The following WARS1 variants were observed in gnomAD, a reference collection of about 807,000 sequenced individuals.
WARS1 encodes the protein tryptophanyl-tRNA synthetase 1, also known as tryptophan--tRNA ligase, cytoplasmic.
WARS1 carries 17 observed loss-of-function variants against 47.8 expected under a neutral mutation model. That is an observed-to-expected ratio of 0.36 (90% CI 0.24 to 0.53). WARS1 has a LOEUF of 0.53. WARS1 is among the 20% of genes least tolerant of loss of function. WARS1 has a pLI of 0.91. For synonymous variants in WARS1, 208 were observed against 228.1 expected, an observed-to-expected ratio of 0.91 and a Z score of 0.79; for missense variants, 434 against 608.0, an observed-to-expected ratio of 0.71 and a Z score of 3.01.
intron 7 of WARS1, among the ~76,000 whole-genome samples, chr14:100,344,540 G>A (rs920711302): frequency 1.7e-4 from 26 of 152,198 alleles, no homozygotes; most frequent in Admixed American, 9.2e-4. Context: ...CTGCCTGGCC[G>A]CCCATCGTCT....
chr14:100,355,791 A>T (rs1215723850), intron 4 of WARS1, among the ~76,000 whole-genome samples: 1 of 151,952 alleles, frequency 6.6e-6, no homozygotes, highest in Non-Finnish European at 1.5e-5. Flanking sequence ...CTTAGTTTTC[A>T]TTTTTTTTCC....
rs149619783 is a variant in WARS1 at position 100,373,464 on chromosome 14, CA to C, written c.-74+1818del. 1.3e-5 allele frequency among the ~76,000 whole-genome samples: 2 copies of C among 152,148 alleles called. No homozygotes were observed. The highest frequency in any genetic ancestry group is 4.8e-5 in the African/African-American group (2 of 41,398). ...TTCCTTTTGGTTTACCCTGTCCTTC[CA>C]AAAAATGTGGTGCCCCGCGTGAAGG... On this transcript the variant is annotated intron_variant, in intron 1 of 10. Coordinates refer to ENST00000392882, the MANE Select transcript of WARS1 (RefSeq NM_004184.4). The surrounding 1 kb of genome is among the most constrained non-coding windows in gnomAD (Gnocchi z 4.4).
chr14:100,350,185 C>CAGGA (rs55839845), intron 6 of WARS1, among the ~76,000 whole-genome samples: 146,064 of 151,862 alleles, frequency 0.96, 70,496 homozygotes, highest in East Asian at 1. Flanking sequence ...CACTTGAGGT[C>CAGGA]GTTCGAGACC....
At chr14:100,370,859 C>T (rs1369884396) in intron 1 of WARS1, among the ~76,000 whole-genome samples, 1 of 151,910 alleles carries the variant, frequency 6.6e-6, no homozygotes, top group African/African-American at 2.4e-5. Context: ...AGGAAGATCA[C>T]TTGAGCCCAG....
chr14:100,342,961 C>T (rs1469441637), intron 8 of WARS1, among the ~76,000 whole-genome samples: 2 of 152,166 alleles, frequency 1.3e-5, no homozygotes, highest in Middle Eastern at 3.4e-3. Flanking sequence ...TGCAGTGATG[C>T]GCTCTCGCTG....
At chr14:100,368,284 A>C in intron 2 of WARS1, 1 of 349,928 alleles carries the variant, frequency 2.9e-6, no homozygotes, top group South Asian at 2.1e-5. Flanking sequence ...AAGCTGGGCG[A>C]GAAAGTTAGA....
chr14:100,351,987 C>T (rs566879593), intron 6 of WARS1, among the ~76,000 whole-genome samples: 8 of 95,012 alleles, frequency 8.4e-5, no homozygotes, highest in East Asian at 3.6e-4. Context: ...AGCGAGACTC[C>T]GTCTCAAAAA....
chr14:100,335,141 G>C, intron 10 of WARS1, 105 bp from the exon 11 acceptor site: 1 of 1,087,042 alleles, frequency 9.2e-7, no homozygotes, highest in Non-Finnish European at 1.3e-6. Flanking sequence ...GCAGAGCCTG[G>C]CACGTGGGTG....
At chr14:100,367,000 T>G in intron 2 of WARS1, 1 of 1,130,192 alleles carries the variant, frequency 8.8e-7, no homozygotes, top group Non-Finnish European at 1.3e-6. Flanking sequence ...ACTCGTCTGG[T>G]TTGTCCCTTA....
intron 6 of WARS1, among the ~76,000 whole-genome samples, chr14:100,347,317 GGAA>G (rs1373999728): frequency 5.3e-5 from 8 of 152,266 alleles, no homozygotes; most frequent in South Asian, 4.1e-4. Context: ...CCGAGAAGGA[GGAA>G]GGCCTGTTTC....
chr14:100,338,752 G>C (rs1439416968), intron 9 of WARS1, among the ~76,000 whole-genome samples: 1 of 151,590 alleles, frequency 6.6e-6, no homozygotes, highest in Non-Finnish European at 1.5e-5. Flanking sequence ...TTTTTAATGG[G>C]AAAAAAGGTG....
At chr14:100,352,068 A>T (rs1236339797) in intron 6 of WARS1, among the ~76,000 whole-genome samples, 2 of 147,184 alleles carry the variant, frequency 1.4e-5, no homozygotes, top group African/African-American at 5.0e-5. Context: ...CAGGGTATAC[A>T]TTGCTCTCAA....
chr14:100,366,765 AC>A, intron 2 of WARS1: 1 of 1,011,302 alleles, frequency 9.9e-7, no homozygotes, highest in Non-Finnish European at 1.6e-6. Flanking sequence ...CCGTGGGGCC[AC>A]AATGAAGCTT....
At chr14:100,374,754 C>T (rs1896547425) in intron 1 of WARS1, 1 of 152,036 alleles carries the variant, frequency 6.6e-6, no homozygotes, top group South Asian at 2.1e-4. Flanking sequence ...CTATCTTGGC[C>T]CCAGAGTGTA....
At chr14:100,366,054 T>C (rs724391) in intron 2 of WARS1, 334,220 of 455,660 alleles carry the variant, frequency 0.73, 124,749 homozygotes, top group Admixed American at 0.83. Flanking sequence ...GCCAAGGGAG[T>C]GTCACAGTTT....
At chr14:100,343,065 C>T (rs745335271) in intron 8 of WARS1, among the ~76,000 whole-genome samples, 2 of 152,166 alleles carry the variant, frequency 1.3e-5, no homozygotes, top group Non-Finnish European at 2.9e-5. Context: ...TTAGTAGAGA[C>T]GGGGTTTCGC....
At chr14:100,353,645 TCCTCTA>T in intron 6 of WARS1, 36 bp downstream of exon 6, 1 of 1,602,634 alleles carries the variant, frequency 6.2e-7, no homozygotes, top group Non-Finnish European at 8.5e-7. Context: ...CTTGACATCC[TCCTCTA>T]CCTATTGAAA....
At chr14:100,344,317 G>A (rs1461439411) in intron 7 of WARS1, among the ~76,000 whole-genome samples, 2 of 152,182 alleles carry the variant, frequency 1.3e-5, no homozygotes, top group South Asian at 2.1e-4. Flanking sequence ...GCTCCTAACC[G>A]CGAGTGATCA....
At chr14:100,368,267 A>C (rs1398715131) in intron 2 of WARS1, 1 of 349,598 alleles carries the variant, frequency 2.9e-6, no homozygotes, top group Non-Finnish European at 5.7e-6. Flanking sequence ...AACTCCAGAG[A>C]AAACAAAAGC....
Sources: gnomAD v4.1 joint callset for allele counts (sites outside exome capture counted in the v4.1 genomes callset) on GRCh38, gnomAD v4.1.1 for gene constraint, Gnocchi (gnomAD v3.1) non-coding constraint, MANE v1.5 for transcripts, NCBI Gene and HGNC (gene_info 2026-07-23, HGNC 2026-07-21) for gene names.